The following GLIS3 variants were observed in gnomAD, a reference collection of about 807,000 sequenced individuals.
GLIS3 encodes the protein GLIS family zinc finger 3, also known as zinc finger protein GLIS3.
In GLIS3, 53 loss-of-function variants were observed where a neutral mutation model predicts 78.6. The observed-to-expected ratio is 0.67, with a 90% CI of 0.54 to 0.85. GLIS3 has a LOEUF of 0.85. GLIS3 is among the 40% of genes least tolerant of loss of function. The pLI, the probability that GLIS3 is intolerant of heterozygous loss-of-function variation, is 0.00. For synonymous variants in GLIS3, 684 were observed against 509.9 expected (o/e 1.34, Z -4.60); for missense variants, 1,703 against 1,231.1 (o/e 1.38, Z -5.74).
At chr9:4,170,080 T>C (rs983838279) in intron 2 of GLIS3, among the ~76,000 whole-genome samples, 2 of 152,124 alleles carry the variant, frequency 1.3e-5, no homozygotes, top group Admixed American at 6.5e-5. Flanking sequence ...TTAAACCATA[T>C]GGAGAAAACA....
At chr9:4,315,037 C>T (rs1396101688) in intron 2 of GLIS3, among the ~76,000 whole-genome samples, 1 of 152,152 alleles carries the variant, frequency 6.6e-6, no homozygotes. Flanking sequence ...TCCTCTCTTC[C>T]CTTGTGGTCC....
upstream of GLIS3, among the ~76,000 whole-genome samples, chr9:4,352,844 C>A (rs548536910): frequency 6.6e-6 from 1 of 152,162 alleles, no homozygotes; most frequent in South Asian, 2.1e-4. Context: ...GTTAGGTAAA[C>A]CATGAAGAGA....
intron 5 of GLIS3, 82 bp downstream of exon 5, chr9:3,936,946 C>G (rs538411361): frequency 6.3e-7 from 1 of 1,581,212 alleles, no homozygotes; most frequent in Non-Finnish European, 8.7e-7. Context: ...ATAAAGCAAA[C>G]ACTTCACCAG....
chr9:4,422,123 T>C, the GLIS3 span, among the ~76,000 whole-genome samples: 2 of 152,248 alleles, frequency 1.3e-5, no homozygotes, highest in Non-Finnish European at 1.5e-5. Flanking sequence ...ATGGTAGGTT[T>C]AAATCTTCCA....
intron 4 of GLIS3, among the ~76,000 whole-genome samples, chr9:3,976,983 A>G (rs147866188): frequency 1.3e-5 from 2 of 152,068 alleles, no homozygotes; most frequent in African/African-American, 4.8e-5. Context: ...CAGAATAATC[A>G]TGACAGATGG....
intron 6 of GLIS3, among the ~76,000 whole-genome samples, chr9:3,905,968 T>C (rs1823668098): frequency 6.6e-6 from 1 of 152,170 alleles, no homozygotes; most frequent in South Asian, 2.1e-4. Flanking sequence ...CTCTGTAGAC[T>C]GGACATTCTG....
At chr9:3,965,362 T>A (rs1817866581) in intron 4 of GLIS3, among the ~76,000 whole-genome samples, 1 of 151,578 alleles carries the variant, frequency 6.6e-6, no homozygotes, top group Non-Finnish European at 1.5e-5. Flanking sequence ...CCTGGCTAAT[T>A]TTTGTACTTT....
intron 4 of GLIS3, among the ~76,000 whole-genome samples, chr9:4,066,039 T>TAAAAA (rs398046406): frequency 7.5e-6 from 1 of 133,332 alleles, no homozygotes; most frequent in Non-Finnish European, 1.6e-5. Flanking sequence ...CCAAAGAATA[T>TAAAAA]AAAAAAAAAA....
the GLIS3 span, among the ~76,000 whole-genome samples, chr9:4,434,496 A>C: frequency 6.6e-6 from 1 of 152,228 alleles, no homozygotes; most frequent in Admixed American, 6.5e-5. Flanking sequence ...ATGAGAAAAT[A>C]GCATCTCAGG....
chr9:4,411,756 C>G, the GLIS3 span, among the ~76,000 whole-genome samples: 1 of 152,220 alleles, frequency 6.6e-6, no homozygotes, highest in South Asian at 2.1e-4. Flanking sequence ...AAGTGGCTTA[C>G]AACACCATCC....
intron 2 of GLIS3, among the ~76,000 whole-genome samples, chr9:4,228,651 T>G (rs1821991863): frequency 1.3e-5 from 2 of 152,246 alleles, no homozygotes; most frequent in African/African-American, 4.8e-5. Context: ...TGTATGCATG[T>G]ATCCATGTGC....
intron 4 of GLIS3, among the ~76,000 whole-genome samples, chr9:3,966,017 C>A (rs989007881): frequency 6.6e-6 from 1 of 152,174 alleles, no homozygotes; most frequent in African/African-American, 2.4e-5. Context: ...GATGCAATTC[C>A]TAATGAATGA....
rs896820393 is a variant in GLIS3, at chr9:4,116,090, G to GA, written c.1710+1677dup. On this transcript the variant is annotated intron_variant, in intron 4 of 10. Coordinates refer to ENST00000381971, the MANE Select transcript of GLIS3 (RefSeq NM_001042413.2). ...GTCTTTGCAAAGCCTGGCAACAGTA[G>GA]AAAAATGGGGAAATCCTATTGCACA... Among the ~76,000 whole-genome samples, 16 of 152,282 alleles carry GA rather than the reference G, an allele frequency of 1.1e-4. 1 individual carries two copies. The Middle Eastern group carries it at 0.02, about 194-fold the overall frequency.
chr9:4,436,518 G>A, the GLIS3 span, among the ~76,000 whole-genome samples: 2 of 151,934 alleles, frequency 1.3e-5, no homozygotes, highest in Non-Finnish European at 2.9e-5. Context: ...CTTAAGAGAC[G>A]GCAAGGACTG....
At chr9:4,165,537 G>C (rs1308074251) in intron 2 of GLIS3, among the ~76,000 whole-genome samples, 3 of 152,208 alleles carry the variant, frequency 2.0e-5, no homozygotes, top group Admixed American at 2.0e-4. Flanking sequence ...ATGAAAAATA[G>C]TTTCTACTAT....
chr9:4,318,448 G>A (rs568239429), intron 2 of GLIS3, among the ~76,000 whole-genome samples: 29 of 152,238 alleles, frequency 1.9e-4, no homozygotes, highest in Middle Eastern at 6.8e-3. Context: ...AAAGCGAGCC[G>A]TAAGCATCTT....
At chr9:4,137,209 T>C (rs1158185889) in intron 2 of GLIS3, among the ~76,000 whole-genome samples, 1 of 152,176 alleles carries the variant, frequency 6.6e-6, no homozygotes, top group African/African-American at 2.4e-5. Flanking sequence ...AGGGGGGCCA[T>C]ATAATGTCTA....
intron 8 of GLIS3, among the ~76,000 whole-genome samples, chr9:3,873,469 A>G (rs1179987646): frequency 1.3e-5 from 2 of 152,208 alleles, no homozygotes; most frequent in African/African-American, 4.8e-5. Context: ...GCAAAAAACC[A>G]TATGATCATC....
chr9:3,872,252 C>T (rs533127726), intron 8 of GLIS3, among the ~76,000 whole-genome samples: 62 of 152,346 alleles, frequency 4.1e-4, no homozygotes, highest in African/African-American at 1.4e-3. Flanking sequence ...CCAAATGTTT[C>T]CACATTTTCC....
Sources: allele counts gnomAD v4.1 joint callset (sites outside exome capture counted in the v4.1 genomes callset), GRCh38; gene constraint gnomAD v4.1.1; transcripts MANE v1.5; gene names NCBI Gene and HGNC (gene_info 2026-07-23, HGNC 2026-07-21).